Variants in THRB observed in about 807,000 individuals in gnomAD.
THRB encodes thyroid hormone receptor beta, also known as nuclear receptor subfamily 1 group A member 2.
Under a neutral mutation model 47.8 loss-of-function variants are expected in THRB, and 12 were observed. The observed-to-expected ratio is 0.25, with a 90% CI of 0.16 to 0.41. The LOEUF (loss-of-function observed/expected upper bound fraction) is 0.41. Ranked by LOEUF, THRB falls within the 10% of genes least tolerant of loss-of-function variation. The pLI, the probability that THRB is intolerant of heterozygous loss-of-function variation, is 1.00. For missense variants in THRB, 348 were observed against 589.2 expected, an observed-to-expected ratio of 0.59 and a Z score of 4.24; for synonymous variants, 218 against 212.2, an observed-to-expected ratio of 1.03 and a Z score of -0.24.
At chr3:24,245,926 G>GCAAAACAAAA (rs111771093) in intron 3 of THRB, among the ~76,000 whole-genome samples, 2 of 151,626 alleles carry the variant, frequency 1.3e-5, no homozygotes, top group African/African-American at 2.4e-5. Flanking sequence ...ACAATACAAA[G>GCAAAACAAAA]CAAAACAAAA....
At chr3:24,491,999 G>C (rs773078535) in intron 1 of THRB, among the ~76,000 whole-genome samples, 1 of 152,202 alleles carries the variant, frequency 6.6e-6, no homozygotes, top group Admixed American at 6.5e-5. Context: ...AAAAGAAAGA[G>C]AGAGAGAGAA....
intron 8 of THRB, among the ~76,000 whole-genome samples, chr3:24,138,746 C>T (rs2035036688): frequency 6.6e-6 from 1 of 152,188 alleles, no homozygotes; most frequent in African/African-American, 2.4e-5. Context: ...TCATCACTCA[C>T]CCTGTCTGAC....
chr3:24,123,366 G>A lies in THRB; in HGVS notation c.1145-241C>T, dbSNP rs904062721. ...TATCTCTGTTTAGACAGTTTAGCTT[G>A]AGTGTGAATTACCTTCTTGAGTGTG... is the stretch of plus-strand genomic sequence containing the variant. On this transcript the variant is annotated intron_variant, in intron 10 of 10. Transcript: ENST00000646209. Among the ~76,000 whole-genome samples, 16 of 152,194 alleles carry A rather than the reference G, an allele frequency of 1.1e-4. 1 individual carries two copies. The highest frequency in any genetic ancestry group is 2.1e-4 in the South Asian group (1 of 4,826).
chr3:24,476,053 T>C (rs559386980), intron 1 of THRB, among the ~76,000 whole-genome samples: 1 of 152,332 alleles, frequency 6.6e-6, no homozygotes, highest in African/African-American at 2.4e-5. Flanking sequence ...TGCTGCTCTT[T>C]GGTGGGGAAA....
intron 4 of THRB, among the ~76,000 whole-genome samples, chr3:24,220,701 G>C (rs1379955025): frequency 1.3e-5 from 2 of 151,782 alleles, no homozygotes; most frequent in African/African-American, 4.8e-5. Flanking sequence ...TTATTAATTT[G>C]GTCTCAGCTT....
At chr3:24,135,416 T>A (rs2034496999) in intron 8 of THRB, among the ~76,000 whole-genome samples, 1 of 152,166 alleles carries the variant, frequency 6.6e-6, no homozygotes. Context: ...TTTTTTACTT[T>A]ATTTTTTTGT....
chr3:24,135,335 ATAT>A (rs1347216171), intron 8 of THRB, among the ~76,000 whole-genome samples: 1 of 152,344 alleles, frequency 6.6e-6, no homozygotes, highest in Non-Finnish European at 1.5e-5. Flanking sequence ...TTTTAAAAAC[ATAT>A]TATTAATACA....
chr3:24,487,576 A>C (rs1346332142), intron 1 of THRB, among the ~76,000 whole-genome samples: 3 of 152,214 alleles, frequency 2.0e-5, no homozygotes, highest in African/African-American at 7.2e-5. Flanking sequence ...GGATCTGTCA[A>C]CATATTCAGG....
At chr3:24,419,061 T>G (rs896945649) in intron 1 of THRB, among the ~76,000 whole-genome samples, 3 of 151,948 alleles carry the variant, frequency 2.0e-5, no homozygotes, top group African/African-American at 7.2e-5. Context: ...CCCATGACTG[T>G]GAAACCACTC....
chr3:24,151,340 T>C (rs1425025789), intron 6 of THRB, among the ~76,000 whole-genome samples: 1 of 152,088 alleles, frequency 6.6e-6, no homozygotes, highest in East Asian at 1.9e-4. Flanking sequence ...ATTTGGGGGC[T>C]TTACGAGCAA....
At chr3:24,259,508 A>G (rs80239091) in intron 3 of THRB, among the ~76,000 whole-genome samples, 29 of 152,226 alleles carry the variant, frequency 1.9e-4, no homozygotes, top group African/African-American at 6.7e-4. Flanking sequence ...TCCTGGGAGC[A>G]TACGTTTTGA....
chr3:24,247,632 G>A (rs1311692148), intron 3 of THRB, among the ~76,000 whole-genome samples: 1 of 152,092 alleles, frequency 6.6e-6, no homozygotes, highest in Non-Finnish European at 1.5e-5. Flanking sequence ...TTCATTTGAT[G>A]CTTACAACCT....
chr3:24,411,441 T>A (rs1385031256), intron 1 of THRB, among the ~76,000 whole-genome samples: 2 of 151,780 alleles, frequency 1.3e-5, no homozygotes, highest in Non-Finnish European at 2.9e-5. Flanking sequence ...CTTACTATGG[T>A]CATATTTAAA....
intron 3 of THRB, among the ~76,000 whole-genome samples, chr3:24,240,977 C>T (rs1322885071): frequency 1.3e-5 from 2 of 152,104 alleles, no homozygotes; most frequent in Non-Finnish European, 2.9e-5. Context: ...AGAATATTTC[C>T]AGTGAACGGC....
chr3:24,394,888 G>C (rs1049549805), intron 1 of THRB, among the ~76,000 whole-genome samples: 8 of 152,060 alleles, frequency 5.3e-5, no homozygotes, highest in African/African-American at 1.9e-4. Flanking sequence ...TGTGTTTGTT[G>C]GTAGCTCCAA....
intron 8 of THRB, among the ~76,000 whole-genome samples, chr3:24,134,797 A>G (rs988829154): frequency 6.6e-6 from 1 of 152,202 alleles, no homozygotes; most frequent in Non-Finnish European, 1.5e-5. Flanking sequence ...AGCCACAGTG[A>G]ATAGACAAGA....
chr3:24,330,701 G>T (rs1367113887), intron 2 of THRB, among the ~76,000 whole-genome samples: 1 of 152,204 alleles, frequency 6.6e-6, no homozygotes. Context: ...CCAGCAAGCT[G>T]CATGGGAAGA....
chr3:24,493,204 A>G (rs1181278096), intron 1 of THRB, among the ~76,000 whole-genome samples: 1 of 152,240 alleles, frequency 6.6e-6, no homozygotes, highest in Admixed American at 6.5e-5. Flanking sequence ...ATTGTTTCCT[A>G]GCCTCTGACT....
At chr3:24,256,495 TGGACATGTTTAGAA>T (rs2051297277) in intron 3 of THRB, among the ~76,000 whole-genome samples, 1 of 152,078 alleles carries the variant, frequency 6.6e-6, no homozygotes, top group Non-Finnish European at 1.5e-5. Flanking sequence ...ATGGAAGATG[TGGACATGTTTAGAA>T]GGAAGATATA....
Sources: allele counts gnomAD v4.1 joint callset (sites outside exome capture counted in the v4.1 genomes callset), GRCh38; gene constraint gnomAD v4.1.1; transcripts MANE v1.5; gene names NCBI Gene and HGNC (gene_info 2026-07-23, HGNC 2026-07-21).